The following SEMA4B variants were observed in gnomAD, a reference collection of about 807,000 sequenced individuals.
The protein encoded by SEMA4B is semaphorin 4B.
A neutral mutation model predicts 88.1 loss-of-function variants in SEMA4B; 55 were observed. That is an observed-to-expected ratio of 0.62 (90% CI 0.50 to 0.78). The LOEUF is 0.78. SEMA4B is among the 30% of genes least tolerant of loss of function. The probability of loss-of-function intolerance (pLI) is 0.00; values close to 1 mark genes in which losing one functional copy is unlikely to be tolerated. For synonymous variants in SEMA4B, 525 were observed against 473.6 expected, an observed-to-expected ratio of 1.11 and a Z score of -1.41; for missense variants, 1,062 against 1,111.9, an observed-to-expected ratio of 0.96 and a Z score of 0.64.
In SEMA4B at chr15:90,225,129, C is replaced by A; in HGVS notation, c.1356C>A (p.His452Gln). 1 of 1,613,334 alleles carries A rather than the reference C, an allele frequency of 6.2e-7. No homozygotes were observed. The highest frequency in any genetic ancestry group is 8.5e-7 in the Non-Finnish European group (1 of 1,179,716). Residue 452 changes from histidine (H) to glutamine (Q), a missense_variant, in exon 10 of 14, where the codon CAC becomes CAA. Coordinates refer to ENST00000411539, the MANE Select transcript of SEMA4B (RefSeq NM_198925.4). ...CTCGCTACCAGCGCGTGGCTGTACA[C>A]CGCGTCCCTGGCCTGCACCACACCT... ...PQARYQRVAV[H>Q]RVPGLHHTYD...
chr15:90,227,610 C>G lies in SEMA4B; in HGVS notation c.1742C>G (p.Ser581Cys). The G allele has an allele frequency of 6.2e-7, 1 of 1,614,060 alleles. No homozygotes were observed. The highest frequency in any genetic ancestry group is 8.5e-7 in the Non-Finnish European group (1 of 1,179,892). The change falls in exon 13 of 14, where the codon TCT (serine) becomes TGT (cysteine). Residue 581 changes from serine to cysteine, a missense_variant. By Grantham distance (112) the Ser-to-Cys change is moderately radical (BLOSUM62 -1). Coordinates refer to ENST00000411539, the MANE Select transcript of SEMA4B (RefSeq NM_198925.4). ...GASAKDLCSA[S>C]SVVSPSFVPT... Reference sequence around the variant, plus strand: ...AGCGCCAAGGACCTTTGCAGCGCGTCTTCGGTTGTGTCCCCGTCTTTTGTA... The same window carrying G: ...AGCGCCAAGGACCTTTGCAGCGCGTGTTCGGTTGTGTCCCCGTCTTTTGTA...
At chr15:90,227,334 A>T in intron 12 of SEMA4B, 1 of 530,582 alleles carries the variant, frequency 1.9e-6, no homozygotes, top group Non-Finnish European at 3.3e-6. Flanking sequence ...GGCGTGGGCC[A>T]CCATGCCTGG....
At chr15:90,210,767 C>T (rs952538514) in intron 1 of SEMA4B, among the ~76,000 whole-genome samples, 15 of 152,030 alleles carry the variant, frequency 9.9e-5, no homozygotes, top group African/African-American at 3.6e-4. Flanking sequence ...TGGGGTCTGT[C>T]AGCGAGGCGA....
chr15:90,221,526 C>A (rs765369349), intron 6 of SEMA4B, 46 bp downstream of exon 6: 2 of 1,607,910 alleles, frequency 1.2e-6, no homozygotes, highest in South Asian at 2.2e-5. Context: ...TCCTGTTCAC[C>A]CAGCCCTAGA....
chr15:90,227,684 A>T, intron 13 of SEMA4B, 42 bp downstream of exon 13: 1 of 1,602,118 alleles, frequency 6.2e-7, no homozygotes, highest in Non-Finnish European at 8.5e-7. Flanking sequence ...AGGTGGGGAC[A>T]AGTGTGCTTG....
intron 7 of SEMA4B, among the ~76,000 whole-genome samples, chr15:90,222,025 G>A (rs964949258): frequency 1.0e-4 from 15 of 150,308 alleles, no homozygotes; most frequent in African/African-American, 3.7e-4. Flanking sequence ...CTGCAGCCTC[G>A]ACCTCCTGGG....
In SEMA4B at chr15:90,207,493, G is replaced by A. The variant is rs567572454; in HGVS notation, c.157+5758G>A. On this transcript the variant is annotated intron_variant, in intron 1 of 13. Transcript: ENST00000411539. The stretch of plus-strand genomic sequence containing the variant: ...CACTCCCTGTGTGCCAGGCACTGCT[G>A]TTGGATGTGGAAGTGCATTGCTTTA... 2.6e-5 allele frequency among the ~76,000 whole-genome samples: 4 copies of A among 152,346 alleles called. No individual in the cohort carries two copies. The South Asian group carries it at 8.3e-4, about 32-fold the overall frequency.
At chr15:90,193,068 C>G (rs1960393136) in intron 1 of SEMA4B, 1 of 152,256 alleles carries the variant, frequency 6.6e-6, no homozygotes, top group African/African-American at 2.4e-5. Context: ...TTTTGCTGGC[C>G]AAGGCACGGA....
Position 90,219,846 on chromosome 15 carries a change from G to A in SEMA4B, c.438G>A (p.Leu146=), listed in dbSNP as rs909516570. The A allele has an allele frequency of 2.5e-6, 4 of 1,613,544 alleles. No individual in the cohort carries two copies. In the African/African-American group the frequency reaches 5.3e-5, roughly 22 times the overall value. The change falls in exon 4 of 14, where the codon CTG becomes CTA. Residue 146 remains leucine, a synonymous_variant. Coordinates refer to ENST00000411539, the MANE Select transcript of SEMA4B (RefSeq NM_198925.4). ...TCCTGCCGCTCAGCGGCAGTCACCT[G>A]TTCACCTGTGGCACAGCAGCCTTCA... ...KILLPLSGSH[L]FTCGTAAFSP...
chr15:90,228,615 G>A lies in SEMA4B; in HGVS notation c.2486G>A (p.Gly829Asp). The A allele has an allele frequency of 6.2e-7, 1 of 1,613,428 alleles. No homozygotes were observed. The highest frequency in any genetic ancestry group is 8.5e-7 in the Non-Finnish European group (1 of 1,179,890). Residue 829 changes from glycine (G) to aspartate (D), a missense_variant, in exon 14 of 14, where the codon GGC becomes GAC. Physicochemically the swap from Gly to Asp is moderately conservative, Grantham distance 94. Transcript: ENST00000411539. ...TGCCCCCGGCCCCGGGTCCGCCTTG[G>A]CTCGGAGATCCGTGACTCTGTGGTG... ...PVCPRPRVRL[G>D]SEIRDSVV
chr15:90,211,397 G>A (rs1293615304), intron 1 of SEMA4B, among the ~76,000 whole-genome samples: 2 of 152,200 alleles, frequency 1.3e-5, no homozygotes, highest in East Asian at 3.8e-4. Flanking sequence ...CACTTTCTTG[G>A]TGACCTCAGT....
chr15:90,228,115 C>T lies in SEMA4B; in HGVS notation c.1986C>T (p.Gly662=). The T allele has an allele frequency of 1.2e-6, 2 of 1,611,448 alleles. No homozygotes were observed. The highest frequency in any genetic ancestry group is 1.7e-6 in the Non-Finnish European group (2 of 1,178,796). ...GEFQCWSLEE[G]FQQLVASYCP... ...TCCAGTGCTGGTCACTAGAGGAGGG[C>T]TTCCAGCAGCTGGTAGCCAGCTACT... Residue 662 remains glycine (G), a synonymous_variant, in exon 14 of 14, where the codon GGC becomes GGT. Transcript: ENST00000411539.
At chr15:90,202,947 G>A (rs1960815439) in intron 1 of SEMA4B, among the ~76,000 whole-genome samples, 1 of 152,194 alleles carries the variant, frequency 6.6e-6, no homozygotes, top group African/African-American at 2.4e-5. Context: ...CTGAAATACT[G>A]CAGATGACCT....
chr15:90,197,661 G>T (rs8041928), upstream of SEMA4B, among the ~76,000 whole-genome samples: 66,726 of 151,350 alleles, frequency 0.44, 16,841 homozygotes, highest in East Asian at 0.7. Context: ...ATGGTCTCGA[G>T]CTCCTGACCT....
chr15:90,194,316 G>C (rs980775278), intron 1 of SEMA4B, among the ~76,000 whole-genome samples: 2 of 151,936 alleles, frequency 1.3e-5, no homozygotes, highest in African/African-American at 4.8e-5. Context: ...TGGCTCACCT[G>C]AGGTCAAAAG....
At chr15:90,218,074 G>A (rs189609489) in intron 3 of SEMA4B, 201 of 483,214 alleles carry the variant, frequency 4.2e-4, no homozygotes, top group Middle Eastern at 1.7e-3. Context: ...ATAATGATCC[G>A]GTCTCACTGG....
chr15:90,185,924 A>ATTTTTTTTTTTTTT (rs398028319), intron 1 of SEMA4B, among the ~76,000 whole-genome samples: 3 of 55,456 alleles, frequency 5.4e-5, no homozygotes, highest in African/African-American at 2.3e-4. Context: ...TCTTTTGGTG[A>ATTTTTTTTTTTTTT]TTTTTTTTTT....
In SEMA4B at chr15:90,225,117, C is replaced by T. The variant is rs375966987; in HGVS notation, c.1344C>T (p.Arg448=). Residue 448 remains arginine, a synonymous_variant, in exon 10 of 14, where the codon CGC becomes CGT. Transcript: ENST00000411539. ...TGCAGCCCCAGGCTCGCTACCAGCG[C>T]GTGGCTGTACACCGCGTCCCTGGCC... ...LLLQPQARYQ[R]VAVHRVPGLH... is the part of the protein sequence containing the mutation. 7.7e-5 allele frequency: 125 copies of T among 1,613,616 alleles called. No individual in the cohort carries two copies. The Admixed American group carries it at 1.1e-3, about 15-fold the overall frequency.
chr15:90,187,451 A>G (rs1335363281), intron 1 of SEMA4B, among the ~76,000 whole-genome samples: 7 of 152,218 alleles, frequency 4.6e-5, no homozygotes, highest in African/African-American at 1.4e-4. Flanking sequence ...AAGCTGAGTT[A>G]GGCAGGCCTT....
Sources: allele counts gnomAD v4.1 joint callset (sites outside exome capture counted in the v4.1 genomes callset), GRCh38; gene constraint gnomAD v4.1.1; transcripts MANE v1.5; gene names NCBI Gene and HGNC (gene_info 2026-07-23, HGNC 2026-07-21).